AKAP6: variants seen among roughly 807,000 people sequenced by gnomAD.
AKAP6 encodes the protein A-kinase anchoring protein 6.
A neutral mutation model predicts 188.5 loss-of-function variants in AKAP6; 58 were observed. The observed-to-expected ratio is 0.31, with a 90% CI of 0.25 to 0.38. AKAP6 has a LOEUF of 0.38. Ranked by LOEUF, AKAP6 falls within the 10% of genes least tolerant of loss-of-function variation. The pLI, the probability that AKAP6 is intolerant of heterozygous loss-of-function variation, is 1.00. For missense variants in AKAP6, 2,710 were observed against 2,740.0 expected, an observed-to-expected ratio of 0.99 and a Z score of 0.24; for synonymous variants, 989 against 998.6, an observed-to-expected ratio of 0.99 and a Z score of 0.18.
Position 32,717,041 on chromosome 14 carries a change from A to G in AKAP6, c.3001-15413A>G, listed in dbSNP as rs1437271825. Among the ~76,000 whole-genome samples the G allele has an allele frequency of 4.6e-5, 7 of 152,250 alleles. No homozygotes were observed. In the South Asian group the frequency reaches 1.4e-3, roughly 32 times the overall value. ...TTGCAGATGGGATGACCATGGAAATATGAAATGACCTTCCCTGGAGCAGGT... is the reference window on the plus strand; with the variant it reads ...TTGCAGATGGGATGACCATGGAAATGTGAAATGACCTTCCCTGGAGCAGGT... On this transcript the variant is annotated intron_variant, in intron 9 of 13. Coordinates refer to ENST00000280979, the MANE Select transcript of AKAP6 (RefSeq NM_004274.5).
chr14:32,436,835 C>T (rs1175603620), intron 2 of AKAP6, among the ~76,000 whole-genome samples: 1 of 152,084 alleles, frequency 6.6e-6, no homozygotes, highest in Admixed American at 6.6e-5. Flanking sequence ...TCTCTGGAGG[C>T]TGAGATGAGA....
chr14:32,612,716 T>C (rs964193469), intron 7 of AKAP6, among the ~76,000 whole-genome samples: 3 of 152,182 alleles, frequency 2.0e-5, no homozygotes, highest in East Asian at 1.9e-4. Flanking sequence ...GTTATGTTAA[T>C]AGATTGTTAG....
intron 1 of AKAP6, among the ~76,000 whole-genome samples, chr14:32,342,231 C>A (rs1886912894): frequency 6.6e-6 from 1 of 152,262 alleles, no homozygotes; most frequent in South Asian, 2.1e-4. Context: ...TTCTGTATGT[C>A]TTTTCCTGAA....
Position 32,474,393 on chromosome 14 carries a change from T to C in AKAP6, c.324+40576T>C, listed in dbSNP as rs560825018. On this transcript the variant is annotated intron_variant, in intron 2 of 13. Coordinates refer to ENST00000280979, the MANE Select transcript of AKAP6 (RefSeq NM_004274.5). Reference sequence around the variant, plus strand: ...CTTCCTAGACCACTTCCATCCAACGTAGAATAAGTGAACCATATGAAATTG... The same window carrying C: ...CTTCCTAGACCACTTCCATCCAACGCAGAATAAGTGAACCATATGAAATTG... The C allele has an allele frequency of 6.6e-5, 10 of 152,318 alleles. 1 individual carries two copies. The highest frequency in any genetic ancestry group is 2.4e-4 in the African/African-American group (10 of 41,570). 9.4% of individuals were successfully genotyped at this position (152,318 alleles called of 1,614,324 possible).
intron 1 of AKAP6, among the ~76,000 whole-genome samples, chr14:32,424,428 C>A (rs1779107907): frequency 6.6e-6 from 1 of 151,808 alleles, no homozygotes; most frequent in African/African-American, 2.4e-5. Context: ...CCTAGAATTC[C>A]TTCACCTCCC....
At chr14:32,383,549 T>C (rs939143770) in intron 1 of AKAP6, among the ~76,000 whole-genome samples, 3 of 152,178 alleles carry the variant, frequency 2.0e-5, no homozygotes, top group African/African-American at 7.2e-5. Flanking sequence ...TGGAGTTACA[T>C]CATGTGATGT....
At chr14:32,723,972 C>G (rs990729178) in intron 9 of AKAP6, among the ~76,000 whole-genome samples, 3 of 152,118 alleles carry the variant, frequency 2.0e-5, no homozygotes, top group Non-Finnish European at 4.4e-5. Flanking sequence ...AGGAATTTTA[C>G]CAGCAGCAAC....
chr14:32,793,582 C>CACCCCAG (rs2140062436), intron 12 of AKAP6, among the ~76,000 whole-genome samples: 2 of 152,004 alleles, frequency 1.3e-5, no homozygotes, highest in East Asian at 3.9e-4. Flanking sequence ...TAGTAGGAGA[C>CACCCCAG]TGTAACACCC....
chr14:32,620,022 C>T (rs1407359368), intron 7 of AKAP6, among the ~76,000 whole-genome samples: 1 of 152,094 alleles, frequency 6.6e-6, no homozygotes, highest in African/African-American at 2.4e-5. Flanking sequence ...CATTTGGATG[C>T]ATTGATTTTG....
intron 9 of AKAP6, among the ~76,000 whole-genome samples, chr14:32,726,617 A>G (rs1444386626): frequency 2.0e-5 from 3 of 152,264 alleles, no homozygotes; most frequent in African/African-American, 7.2e-5. Context: ...TGTGCTTTTC[A>G]CGCAGTGCAT....
At position 32,599,410 on chromosome 14, in the gene AKAP6, A is replaced by T; in HGVS notation, c.2470A>T (p.Ser824Cys). The T allele has an allele frequency of 1.2e-6, 2 of 1,609,760 alleles. No homozygotes were observed. The highest frequency in any genetic ancestry group is 1.7e-6 in the Non-Finnish European group (2 of 1,177,732). ...TTAATGTTCATATTTTTCCTTGCAG[A>T]GTTTTAAGTTGAATGTAGACAGTCA... ...DLKLYLETHL[S>C]FKLNVDSHCA... The change falls in exon 6 of 14, where the codon AGT (serine) becomes TGT (cysteine). Residue 824 changes from serine to cysteine, a missense_variant and splice_region_variant. Ser to Cys is a moderately radical substitution (Grantham distance 112, BLOSUM62 -1). Around this residue, in one of 2 missense-constraint regions of AKAP6, gnomAD observed 2,473 missense variants for 2,426.1 expected, o/e 1.02. Coordinates refer to ENST00000280979, the MANE Select transcript of AKAP6 (RefSeq NM_004274.5).
chr14:32,727,612 AG>A (rs1411373174), intron 9 of AKAP6, among the ~76,000 whole-genome samples: 1 of 152,198 alleles, frequency 6.6e-6, no homozygotes, highest in African/African-American at 2.4e-5. Flanking sequence ...AAGCTAGAAG[AG>A]GGGGAAAACT....
chr14:32,800,891 C>T (rs2033928263), intron 12 of AKAP6, among the ~76,000 whole-genome samples: 1 of 152,028 alleles, frequency 6.6e-6, no homozygotes, highest in African/African-American at 2.4e-5. Flanking sequence ...GTGGTGCATA[C>T]CTGTGGTCTC....
chr14:32,475,134 T>G (rs564501643), intron 2 of AKAP6, among the ~76,000 whole-genome samples: 5 of 152,330 alleles, frequency 3.3e-5, no homozygotes, highest in African/African-American at 1.2e-4. Context: ...ATAATCACAG[T>G]GAACCTTTGT....
chr14:32,649,369 C>T (rs1349875879), intron 7 of AKAP6, among the ~76,000 whole-genome samples: 1 of 152,106 alleles, frequency 6.6e-6, no homozygotes, highest in Non-Finnish European at 1.5e-5. Context: ...GGTTAAAATC[C>T]TTTTAGACTG....
chr14:32,365,026 G>A (rs183462647), intron 1 of AKAP6, among the ~76,000 whole-genome samples: 2 of 152,268 alleles, frequency 1.3e-5, no homozygotes, highest in East Asian at 1.9e-4. Flanking sequence ...CACTCAAGGA[G>A]TCTAAGCTGT....
At chr14:32,616,973 C>T (rs966646886) in intron 7 of AKAP6, 1 of 152,164 alleles carries the variant, frequency 6.6e-6, no homozygotes. Context: ...ACTTTTGTAG[C>T]CCTCCCTATC....
Position 32,593,011 on chromosome 14 carries a change from A to AACACACACACACACAC in AKAP6, c.2470-6363_2470-6348dup, listed in dbSNP as rs60277036. The stretch of plus-strand genomic sequence containing the variant: ...ACACAGTGTCCCCTACCCCCACCCC[A>AACACACACACACACAC]ACACACACACACACACACACACACA... On this transcript the variant is annotated intron_variant, in intron 5 of 13. Coordinates refer to ENST00000280979, the MANE Select transcript of AKAP6 (RefSeq NM_004274.5). Among the ~76,000 whole-genome samples the AACACACACACACACAC allele has an allele frequency of 1.5e-3, 186 of 123,874 alleles. 7 individuals are homozygous for AACACACACACACACAC. The highest frequency in any genetic ancestry group is 2.9e-3 in the Admixed American group (36 of 12,376). 81.3% of individuals were successfully genotyped at this position (123,874 alleles called of 152,430 possible).
intron 1 of AKAP6, among the ~76,000 whole-genome samples, chr14:32,403,988 C>A (rs1889186184): frequency 6.6e-6 from 1 of 152,116 alleles, no homozygotes; most frequent in Admixed American, 6.5e-5. Flanking sequence ...GTTTGCTTGG[C>A]ATTTTGAAAT....
Sources: allele counts gnomAD v4.1 joint callset (sites outside exome capture counted in the v4.1 genomes callset), GRCh38; gene constraint gnomAD v4.1.1; regional missense constraint gnomAD v4.1.1; transcripts MANE v1.5; gene names NCBI Gene and HGNC (gene_info 2026-07-23, HGNC 2026-07-21).